PTPRD: variants seen among roughly 807,000 people sequenced by gnomAD.
PTPRD encodes the protein receptor-type tyrosine-protein phosphatase delta.
PTPRD carries 34 observed loss-of-function variants against 214.5 expected under a neutral mutation model. The ratio of observed to expected loss-of-function variants is 0.16; its 90% CI spans 0.12 to 0.21. The LOEUF (loss-of-function observed/expected upper bound fraction) is 0.21. Among genes scored for constraint, PTPRD ranks in the 10% least tolerant of loss-of-function variants. The pLI is 1.00. For missense variants in PTPRD, 2,545 were observed against 2,398.7 expected (o/e 1.06, Z -1.27); for synonymous variants, 1,128 against 845.7 (o/e 1.33, Z -5.79).
At chr9:9,251,209 G>A (rs11793429) in intron 9 of PTPRD, among the ~76,000 whole-genome samples, 19,957 of 152,062 alleles carry the variant, frequency 0.13, 1,588 homozygotes, top group Middle Eastern at 0.24. Context: ...TTCCATTTTG[G>A]ATCCAAGCCA....
chr9:8,396,105 G>A (rs1293358970), intron 36 of PTPRD, among the ~76,000 whole-genome samples: 1 of 151,718 alleles, frequency 6.6e-6, no homozygotes, highest in Non-Finnish European at 1.5e-5. Flanking sequence ...GAAGCTCTAT[G>A]TGTAGGAAAC....
chr9:9,832,215 T>G (rs1216402151), intron 5 of PTPRD, among the ~76,000 whole-genome samples: 1 of 151,964 alleles, frequency 6.6e-6, no homozygotes, highest in Non-Finnish European at 1.5e-5. Context: ...ACCATTTATT[T>G]TAATGGGAAG....
intron 10 of PTPRD, among the ~76,000 whole-genome samples, chr9:9,107,484 T>G (rs752022306): frequency 6.6e-5 from 10 of 152,184 alleles, no homozygotes; most frequent in Non-Finnish European, 1.2e-4. Flanking sequence ...TATTGAAACT[T>G]TTATTTACCA....
At chr9:9,093,564 C>A (rs1438065741) in intron 10 of PTPRD, among the ~76,000 whole-genome samples, 1 of 151,594 alleles carries the variant, frequency 6.6e-6, no homozygotes, top group Non-Finnish European at 1.5e-5. Flanking sequence ...AATTAAATAA[C>A]ACAGAACTTT....
chr9:8,516,869 T>C (rs995483573), intron 21 of PTPRD, among the ~76,000 whole-genome samples: 1 of 143,436 alleles, frequency 7.0e-6, no homozygotes, highest in Non-Finnish European at 1.5e-5. Flanking sequence ...AGTGGTACAA[T>C]CTTAGCTCAC....
At chr9:9,680,304 G>A (rs569274315) in intron 7 of PTPRD, among the ~76,000 whole-genome samples, 2 of 151,694 alleles carry the variant, frequency 1.3e-5, no homozygotes, top group Admixed American at 6.6e-5. Flanking sequence ...GGACTCCAGT[G>A]AATCTAATTC....
intron 6 of PTPRD, among the ~76,000 whole-genome samples, chr9:9,741,617 C>A (rs564741739): frequency 6.6e-6 from 1 of 152,248 alleles, no homozygotes; most frequent in South Asian, 2.1e-4. Flanking sequence ...TCCCCCAAAC[C>A]CTGACAGGCC....
chr9:10,182,555 T>A (rs2099304329), intron 3 of PTPRD, among the ~76,000 whole-genome samples: 1 of 152,100 alleles, frequency 6.6e-6, no homozygotes, highest in Admixed American at 6.5e-5. Context: ...ATCTATTTAC[T>A]TATTTAATAT....
chr9:10,066,584 A>T (rs2097889584), intron 3 of PTPRD, among the ~76,000 whole-genome samples: 2 of 151,838 alleles, frequency 1.3e-5, no homozygotes, highest in Admixed American at 6.6e-5. Flanking sequence ...TCATGCCTCC[A>T]TGGGGGGACT....
chr9:8,525,115 T>C (rs765237199), intron 17 of PTPRD, 80 bp from the exon 18 acceptor site: 2 of 1,219,426 alleles, frequency 1.6e-6, no homozygotes, highest in South Asian at 2.4e-5. Context: ...CTCTTAACAA[T>C]ATGAAAAGCC....
intron 10 of PTPRD, among the ~76,000 whole-genome samples, chr9:9,038,903 T>C (rs2099630720): frequency 6.6e-6 from 1 of 152,068 alleles, no homozygotes; most frequent in East Asian, 1.9e-4. Context: ...CCCAGGAAGG[T>C]TTTTTGTTGT....
chr9:8,851,166 G>C (rs1205471360), intron 11 of PTPRD, among the ~76,000 whole-genome samples: 1 of 149,862 alleles, frequency 6.7e-6, no homozygotes, highest in Non-Finnish European at 1.5e-5. Flanking sequence ...CTGGGCAAAA[G>C]TCTAAGCAGC....
intron 5 of PTPRD, among the ~76,000 whole-genome samples, chr9:9,929,412 G>C (rs1200044789): frequency 2.6e-5 from 4 of 152,076 alleles, no homozygotes; most frequent in African/African-American, 9.7e-5. Flanking sequence ...TGTTTTTTGA[G>C]ACAGAGTCTC....
At chr9:8,401,191 G>A (rs1746338250) in intron 36 of PTPRD, among the ~76,000 whole-genome samples, 1 of 147,446 alleles carries the variant, frequency 6.8e-6, no homozygotes, top group African/African-American at 2.5e-5. Context: ...TCCAGATGGG[G>A]TCTGGTTCTG....
chr9:9,370,730 A>T (rs2059241181), intron 9 of PTPRD, among the ~76,000 whole-genome samples: 1 of 152,128 alleles, frequency 6.6e-6, no homozygotes, highest in South Asian at 2.1e-4. Context: ...TCCATTCAGT[A>T]TGATATTGGC....
At chr9:9,844,407 G>A (rs1008238501) in intron 5 of PTPRD, among the ~76,000 whole-genome samples, 1 of 151,912 alleles carries the variant, frequency 6.6e-6, no homozygotes, top group African/African-American at 2.4e-5. Context: ...CAAACTCAAA[G>A]AAACAGAGTA....
intron 8 of PTPRD, among the ~76,000 whole-genome samples, chr9:9,505,535 A>G (rs1259809057): frequency 1.3e-5 from 2 of 151,444 alleles, no homozygotes; most frequent in African/African-American, 2.4e-5. Context: ...TTATTATTTG[A>G]GGTACTCAAA....
chr9:10,282,746 G>T (rs532292100), intron 3 of PTPRD, among the ~76,000 whole-genome samples: 62 of 152,134 alleles, frequency 4.1e-4, no homozygotes, highest in African/African-American at 1.5e-3. Flanking sequence ...TCTGATTGTA[G>T]TTAGGATTTA....
At chr9:8,506,153 G>A (rs183411387) in intron 22 of PTPRD, among the ~76,000 whole-genome samples, 5 of 152,248 alleles carry the variant, frequency 3.3e-5, no homozygotes, top group Admixed American at 2.0e-4. Flanking sequence ...CCAAAATTAT[G>A]TACTACAAGT....
Sources: gnomAD v4.1 joint callset for allele counts (sites outside exome capture counted in the v4.1 genomes callset) on GRCh38, gnomAD v4.1.1 for gene constraint, MANE v1.5 for transcripts, NCBI Gene and HGNC (gene_info 2026-07-23, HGNC 2026-07-21) for gene names.